Variants in NAV2 observed in about 807,000 individuals in gnomAD.
The protein encoded by NAV2 is helicase, APC down-regulated 1.
In NAV2, 54 loss-of-function variants were observed where a neutral mutation model predicts 223.2. The ratio of observed to expected loss-of-function variants is 0.24; its 90% CI spans 0.19 to 0.30. The LOEUF is 0.30. NAV2 is among the 10% of genes least tolerant of loss of function. The pLI is 1.00. For missense variants in NAV2, 2,806 were observed against 3,147.5 expected (o/e 0.89, Z 2.60); for synonymous variants, 1,279 against 1,239.3 (o/e 1.03, Z -0.67).
intron 1 of NAV2, among the ~76,000 whole-genome samples, chr11:19,681,162 T>G (rs1350605233): frequency 6.6e-6 from 1 of 152,198 alleles, no homozygotes; most frequent in Non-Finnish European, 1.5e-5. Context: ...ATGATCTAGC[T>G]TCTGGGGACA....
intron 1 of NAV2, among the ~76,000 whole-genome samples, chr11:19,411,175 C>A (rs944637665): frequency 6.6e-6 from 1 of 152,264 alleles, no homozygotes; most frequent in African/African-American, 2.4e-5. Flanking sequence ...TGAGAATCTG[C>A]CGCAACAAGG....
intron 1 of NAV2, among the ~76,000 whole-genome samples, chr11:19,776,255 A>G (rs2056145134): frequency 6.6e-6 from 1 of 152,158 alleles, no homozygotes; most frequent in African/African-American, 2.4e-5. Flanking sequence ...GGATACCGAA[A>G]GTTGCTGGGG....
At chr11:19,925,966 T>A (rs1332529690) in intron 6 of NAV2, among the ~76,000 whole-genome samples, 3 of 152,140 alleles carry the variant, frequency 2.0e-5, no homozygotes, top group East Asian at 1.9e-4. Context: ...ACCACACTTT[T>A]AAAAAATTAC....
chr11:19,494,531 A>C (rs959589022), intron 1 of NAV2, among the ~76,000 whole-genome samples: 3 of 152,220 alleles, frequency 2.0e-5, no homozygotes, highest in Non-Finnish European at 4.4e-5. Context: ...TTAATGCCAC[A>C]CATATCATTG....
intron 25 of NAV2, among the ~76,000 whole-genome samples, chr11:20,080,590 A>G (rs943413482): frequency 1.3e-5 from 2 of 152,090 alleles, no homozygotes; most frequent in Non-Finnish European, 2.9e-5. Flanking sequence ...GCATATTGCT[A>G]GTTATCCCAT....
At chr11:19,569,462 C>T (rs796276585) in intron 1 of NAV2, among the ~76,000 whole-genome samples, 8 of 152,260 alleles carry the variant, frequency 5.3e-5, no homozygotes, top group African/African-American at 1.9e-4. Flanking sequence ...GTAAGAAAAA[C>T]CCATAAAATT....
At chr11:19,913,184 G>A (rs942546725) in intron 6 of NAV2, among the ~76,000 whole-genome samples, 3 of 152,114 alleles carry the variant, frequency 2.0e-5, no homozygotes, top group African/African-American at 4.8e-5. Flanking sequence ...AATAATTAGG[G>A]TACCTAATTT....
chr11:19,714,095 G>A lies in NAV2; in HGVS notation c.267+133G>A, dbSNP rs999498553. On this transcript the variant is annotated intron_variant, in intron 1 of 37. Transcript: ENST00000349880. The stretch of plus-strand genomic sequence containing the variant: ...CAGGGAAGGGAACCATTCCCCTTAG[G>A]CCGGCAGGTTGGGGGATGCGCGAGG... The A allele has an allele frequency of 1.2e-5, 16 of 1,327,766 alleles. No individual in the cohort carries two copies. The Admixed American group carries it at 3.4e-4, about 28-fold the overall frequency. 82.2% of individuals were successfully genotyped at this position (1,327,766 alleles called of 1,614,324 possible).
At chr11:19,892,224 A>G (rs2041563208) in intron 5 of NAV2, among the ~76,000 whole-genome samples, 1 of 152,232 alleles carries the variant, frequency 6.6e-6, no homozygotes, top group Admixed American at 6.5e-5. Flanking sequence ...CTCTGCTCAA[A>G]GGGAAACTTC....
At chr11:19,736,481 C>A (rs1358456454) in intron 1 of NAV2, among the ~76,000 whole-genome samples, 1 of 152,152 alleles carries the variant, frequency 6.6e-6, no homozygotes, top group African/African-American at 2.4e-5. Context: ...GGTAAGGACT[C>A]TTACAAAGTC....
At chr11:19,736,897 C>T (rs955312807) in intron 1 of NAV2, among the ~76,000 whole-genome samples, 2 of 152,204 alleles carry the variant, frequency 1.3e-5, no homozygotes, top group African/African-American at 4.8e-5. Flanking sequence ...CCTGGCAAAC[C>T]TTTTCTGAGG....
At chr11:19,571,241 T>C (rs1472210942) in intron 1 of NAV2, among the ~76,000 whole-genome samples, 1 of 152,172 alleles carries the variant, frequency 6.6e-6, no homozygotes, top group East Asian at 1.9e-4. Context: ...GGCAAATCCA[T>C]GAGAGACAAA....
intron 8 of NAV2, among the ~76,000 whole-genome samples, chr11:19,945,084 T>C (rs111210608): frequency 3.0e-5 from 4 of 134,434 alleles, no homozygotes; most frequent in African/African-American, 1.1e-4. Flanking sequence ...TTTTCTTTTC[T>C]CTTTTCTTCT....
At chr11:19,939,158 G>A (rs925877761) in intron 7 of NAV2, among the ~76,000 whole-genome samples, 1 of 152,164 alleles carries the variant, frequency 6.6e-6, no homozygotes, top group South Asian at 2.1e-4. Context: ...CAGAGACCTG[G>A]AGGGCAAACA....
chr11:19,900,106 A>G (rs547835014), intron 6 of NAV2, among the ~76,000 whole-genome samples: 1 of 152,320 alleles, frequency 6.6e-6, no homozygotes, highest in South Asian at 2.1e-4. Context: ...AGGGCTTAGA[A>G]AGCCAACCTA....
chr11:19,845,224 T>C (rs957160496), intron 3 of NAV2, among the ~76,000 whole-genome samples: 7 of 152,214 alleles, frequency 4.6e-5, no homozygotes, highest in African/African-American at 1.7e-4. Context: ...TTTGAGAAGA[T>C]GGCATAGGGT....
At chr11:19,968,851 C>A (rs2048988337) in intron 10 of NAV2, among the ~76,000 whole-genome samples, 1 of 152,194 alleles carries the variant, frequency 6.6e-6, no homozygotes. Flanking sequence ...GACTTCTCAG[C>A]CTGTCTTTCC....
chr11:20,079,974 G>T (rs1478908335), intron 24 of NAV2, 90 bp from the exon 25 acceptor site: 2 of 1,469,082 alleles, frequency 1.4e-6, no homozygotes, highest in African/African-American at 2.8e-5. Flanking sequence ...TAGTCCTCAG[G>T]TGGGTGGGTT....
chr11:19,513,200 C>T (rs1240763017), intron 1 of NAV2, among the ~76,000 whole-genome samples: 2 of 152,158 alleles, frequency 1.3e-5, no homozygotes, highest in South Asian at 2.1e-4. Flanking sequence ...TGGTGTTTCA[C>T]GTTTCTTTAT....
Sources: allele counts gnomAD v4.1 joint callset (sites outside exome capture counted in the v4.1 genomes callset), GRCh38; gene constraint gnomAD v4.1.1; transcripts MANE v1.5; gene names NCBI Gene and HGNC (gene_info 2026-07-23, HGNC 2026-07-21).